OXSR1: variants seen among roughly 807,000 people sequenced by gnomAD.
OXSR1 encodes the protein oxidative stress responsive kinase 1.
OXSR1 carries 24 observed loss-of-function variants against 79.8 expected under a neutral mutation model. The observed-to-expected ratio is 0.30, with a 90% CI of 0.22 to 0.42. The LOEUF is 0.42. Ranked by LOEUF, OXSR1 falls within the 10% of genes least tolerant of loss-of-function variation. The pLI, the probability that OXSR1 is intolerant of heterozygous loss-of-function variation, is 1.00. For synonymous variants in OXSR1, 226 were observed against 209.2 expected, an observed-to-expected ratio of 1.08 and a Z score of -0.69; for missense variants, 430 against 618.4, an observed-to-expected ratio of 0.70 and a Z score of 3.23.
intron 5 of OXSR1, among the ~76,000 whole-genome samples, chr3:38,217,359 T>C (rs1194981639): frequency 8.5e-5 from 13 of 152,210 alleles, no homozygotes; most frequent in African/African-American, 2.7e-4. Flanking sequence ...GTTGAAGATA[T>C]GCATACTGTT....
At chr3:38,199,061 A>G (rs1702115920) in intron 4 of OXSR1, among the ~76,000 whole-genome samples, 198 bp downstream of exon 4, 1 of 152,226 alleles carries the variant, frequency 6.6e-6, no homozygotes, top group Admixed American at 6.5e-5. Flanking sequence ...AAAACAGGAA[A>G]AATTCATAAT....
At chr3:38,247,616 C>A (rs1041586285) in intron 13 of OXSR1, 52 bp from the exon 14 acceptor site, 1 of 1,302,058 alleles carries the variant, frequency 7.7e-7, no homozygotes, top group Non-Finnish European at 1.1e-6. Context: ...CATTAGTCAC[C>A]TCCCCACTTA....
chr3:38,178,932 T>C (rs1694135988), intron 1 of OXSR1, among the ~76,000 whole-genome samples: 1 of 151,774 alleles, frequency 6.6e-6, no homozygotes, highest in South Asian at 2.1e-4. Context: ...GGTGTGATCA[T>C]GGCCCACTGC....
intron 3 of OXSR1, among the ~76,000 whole-genome samples, chr3:38,195,298 T>C (rs777966897): frequency 6.6e-5 from 10 of 152,242 alleles, no homozygotes; most frequent in Non-Finnish European, 1.5e-4. Context: ...CTTAGATGGT[T>C]GTTTAAGGAT....
At chr3:38,199,204 T>G (rs1702118030) in intron 4 of OXSR1, among the ~76,000 whole-genome samples, 1 of 152,124 alleles carries the variant, frequency 6.6e-6, no homozygotes, top group Non-Finnish European at 1.5e-5. Context: ...TTACATTATA[T>G]TTTCAGTATT....
intron 1 of OXSR1, among the ~76,000 whole-genome samples, chr3:38,168,678 TC>T: frequency 6.6e-6 from 1 of 152,328 alleles, no homozygotes; most frequent in Admixed American, 6.5e-5. Flanking sequence ...TACTCCCTGT[TC>T]CCACCCCCAG....
At position 38,223,904 on chromosome 3, in the gene OXSR1, A is replaced by G; in HGVS notation, c.693A>G (p.Pro231=). 1.9e-6 allele frequency: 3 copies of G among 1,594,324 alleles called. No individual in the cohort carries two copies. The highest frequency in any genetic ancestry group is 1.1e-5 in the South Asian group (1 of 89,750). Residue 231 remains proline, a synonymous_variant, in exon 7 of 18, where the codon CCA becomes CCG. Transcript: ENST00000311806. ...GGGCGGCTCCTTATCATAAATATCC[A>G]CCAATGAAGGTGAGGCTTGTATTCC... ...ATGAAPYHKY[P]PMKVLMLTLQ...
chr3:38,216,093 AAG>A lies in OXSR1; in HGVS notation c.436_437del. The A allele has an allele frequency of 6.4e-7, 1 of 1,558,302 alleles. No individual in the cohort carries two copies. The highest frequency in any genetic ancestry group is 8.7e-7 in the Non-Finnish European group (1 of 1,144,090). On this transcript the variant is annotated splice_acceptor_variant, in intron 4 of 17. Transcript: ENST00000311806. LOFTEE classifies it high-confidence loss of function. ...ATACATAACTTTTTTTTTTTTTTTA[AAG>A]AGATGTGAAAGCTGGAAACATTCTT...
chr3:38,233,744 A>T (rs1328165246), intron 10 of OXSR1, among the ~76,000 whole-genome samples: 1 of 151,232 alleles, frequency 6.6e-6, no homozygotes, highest in African/African-American at 2.4e-5. Flanking sequence ...CAAGACCCAG[A>T]CTCTACCAAA....
At chr3:38,232,966 G>A (rs1702841333) in intron 10 of OXSR1, among the ~76,000 whole-genome samples, 1 of 152,120 alleles carries the variant, frequency 6.6e-6, no homozygotes, top group Admixed American at 6.5e-5. Context: ...ACCCTGAAAG[G>A]TAAGGGAATT....
chr3:38,191,997 G>T (rs530044146), intron 3 of OXSR1, among the ~76,000 whole-genome samples: 55 of 152,238 alleles, frequency 3.6e-4, no homozygotes, highest in African/African-American at 1.3e-3. Flanking sequence ...GATAAATAAT[G>T]GAGTCTTTTT....
Position 38,165,847 on chromosome 3 carries a change from G to C in OXSR1, c.-30G>C. ...GGAGACGAGCGAGGTCAGCGAGTTT[G>C]AGGGAGGACCGCGAGCCGCTGCCGC... is the stretch of plus-strand genomic sequence containing the variant. On this transcript the variant is annotated 5_prime_UTR_variant, in exon 1 of 18. Transcript: ENST00000311806. 6.3e-7 allele frequency: 1 copy of C among 1,597,302 alleles called. No homozygotes were observed. The highest frequency in any genetic ancestry group is 8.5e-7 in the Non-Finnish European group (1 of 1,171,608).
intron 12 of OXSR1, among the ~76,000 whole-genome samples, chr3:38,243,572 C>T (rs930134296): frequency 5.9e-5 from 9 of 152,110 alleles, no homozygotes; most frequent in Non-Finnish European, 8.8e-5. Flanking sequence ...GTCTTATTTC[C>T]GGCAGCATCT....
chr3:38,235,437 A>G (rs578052821), intron 10 of OXSR1, among the ~76,000 whole-genome samples: 1 of 152,354 alleles, frequency 6.6e-6, no homozygotes, highest in East Asian at 1.9e-4. Flanking sequence ...TTGAGTAAAG[A>G]GAATTCCAGA....
At chr3:38,244,666 T>TGTGTGTGTGTGCGC (rs748851263) in intron 12 of OXSR1, among the ~76,000 whole-genome samples, 107 of 144,056 alleles carry the variant, frequency 7.4e-4, no homozygotes, top group South Asian at 1.6e-3. Context: ...TGTGTGTGTG[T>TGTGTGTGTGTGCGC]GCGTGCGCAT....
intron 5 of OXSR1, among the ~76,000 whole-genome samples, chr3:38,220,122 T>G (rs1036187913): frequency 4.6e-5 from 7 of 151,370 alleles, no homozygotes; most frequent in East Asian, 1.9e-4. Context: ...TATTGTGTGT[T>G]TTTTTTTTAT....
At chr3:38,244,579 G>T (rs1282530455) in intron 12 of OXSR1, among the ~76,000 whole-genome samples, 3 of 151,558 alleles carry the variant, frequency 2.0e-5, no homozygotes, top group African/African-American at 7.3e-5. Flanking sequence ...TCTCAGGTTC[G>T]TCAGTGTTGT....
Position 38,224,598 on chromosome 3 carries a change from C to A in OXSR1, c.730C>A (p.Pro244Thr). 1 of 1,591,022 alleles carries A rather than the reference C, an allele frequency of 6.3e-7. No individual in the cohort carries two copies. Among genetic ancestry groups the A allele is most frequent in the Non-Finnish European group, 8.5e-7 (1 of 1,171,830 alleles). The part of the protein sequence containing the change: ...KVLMLTLQND[P>T]PSLETGVQDK... The stretch of plus-strand genomic sequence containing the variant: ...TTTAATGCTGACACTGCAGAACGAT[C>A]CTCCTTCTTTGGAAACTGGTGTTCA... The change falls in exon 8 of 18, where the codon CCT (proline) becomes ACT (threonine). Residue 244 changes from proline (P) to threonine (T), a missense_variant. Pro to Thr is a conservative substitution (Grantham distance 38, BLOSUM62 -1). Around this residue, in one of 3 missense-constraint regions of OXSR1, gnomAD observed 276 missense variants for 354.2 expected, o/e 0.78. Coordinates refer to ENST00000311806, the MANE Select transcript of OXSR1 (RefSeq NM_005109.3).
At chr3:38,209,309 C>G (rs1327456160) in intron 4 of OXSR1, among the ~76,000 whole-genome samples, 1 of 152,044 alleles carries the variant, frequency 6.6e-6, no homozygotes, top group Non-Finnish European at 1.5e-5. Flanking sequence ...GCCTTGACCT[C>G]TTGGGCTCAA....
Sources: allele counts gnomAD v4.1 joint callset (sites outside exome capture counted in the v4.1 genomes callset), GRCh38; gene constraint gnomAD v4.1.1; regional missense constraint gnomAD v4.1.1; transcripts MANE v1.5; gene names NCBI Gene and HGNC (gene_info 2026-07-23, HGNC 2026-07-21).